The following MID1 variants were observed in gnomAD, a reference collection of about 807,000 sequenced individuals.
The protein encoded by MID1 is midline 1.
Under a neutral mutation model 40.4 loss-of-function variants are expected in MID1, and 7 were observed. The ratio of observed to expected loss-of-function variants is 0.17; its 90% CI spans 0.10 to 0.33. The LOEUF (loss-of-function observed/expected upper bound fraction) is 0.33, where lower values mean the gene tolerates loss of function less well. MID1 is among the 10% of genes least tolerant of loss of function. The pLI, the probability that MID1 is intolerant of heterozygous loss-of-function variation, is 1.00. For missense variants in MID1, 367 were observed against 558.5 expected, an observed-to-expected ratio of 0.66 and a Z score of 3.46; for synonymous variants, 229 against 221.2, an observed-to-expected ratio of 1.04 and a Z score of -0.31.
chrX:10,818,233 C>T (rs902644385), intron 1 of MID1, among the ~76,000 whole-genome samples: 2 of 112,138 alleles, frequency 1.8e-5, no homozygotes, highest in East Asian at 2.8e-4. Context: ...TGTCTCCAGA[C>T]AAAACTCTTA....
At chrX:10,637,738 C>T (rs1936136076) in intron 1 of MID1, among the ~76,000 whole-genome samples, 1 of 111,754 alleles carries the variant, frequency 8.9e-6, no homozygotes, top group East Asian at 2.8e-4. Flanking sequence ...CAAATATCAA[C>T]ATTAGAATTA....
chrX:10,696,589 G>A (rs769663557), intron 1 of MID1, among the ~76,000 whole-genome samples: 1 of 111,960 alleles, frequency 8.9e-6, no homozygotes, highest in African/African-American at 3.2e-5. Flanking sequence ...GAGGAAGCAA[G>A]AATTGAGGTT....
chrX:10,509,250 AGT>A (rs745524662), intron 3 of MID1, among the ~76,000 whole-genome samples: 2 of 110,513 alleles, frequency 1.8e-5, no homozygotes, highest in Non-Finnish European at 1.9e-5. Flanking sequence ...TGAGTTTGTG[AGT>A]GTGTGTGTGT....
At chrX:10,597,717 C>G (rs1009869614) in intron 1 of MID1, among the ~76,000 whole-genome samples, 2 of 112,117 alleles carry the variant, frequency 1.8e-5, no homozygotes, top group African/African-American at 6.5e-5. Context: ...AAACACTGCA[C>G]TACAGCATCA....
At chrX:10,568,716 G>T (rs750030927) in intron 1 of MID1, among the ~76,000 whole-genome samples, 3 of 111,119 alleles carry the variant, frequency 2.7e-5, no homozygotes, top group African/African-American at 9.8e-5. Flanking sequence ...TTGCCATAAA[G>T]ACCTGAGTGC....
At chrX:10,658,160 T>C (rs1479196999) in intron 1 of MID1, among the ~76,000 whole-genome samples, 2 of 110,527 alleles carry the variant, frequency 1.8e-5, no homozygotes, top group Non-Finnish European at 3.8e-5. Flanking sequence ...TCTTAAAAAA[T>C]TGGGAATTTT....
chrX:10,770,670 T>C (rs1334609253), intron 1 of MID1, among the ~76,000 whole-genome samples: 4 of 112,559 alleles, frequency 3.6e-5, no homozygotes, highest in African/African-American at 1.3e-4. Flanking sequence ...TCATCAATCA[T>C]GTGCCTCATA....
At chrX:10,812,225 G>A (rs2044107197) in intron 1 of MID1, among the ~76,000 whole-genome samples, 1 of 111,271 alleles carries the variant, frequency 9.0e-6, no homozygotes, top group Non-Finnish European at 1.9e-5. Context: ...GCAGGCTATG[G>A]TGGGAATGCA....
intron 2 of MID1, among the ~76,000 whole-genome samples, chrX:10,524,577 T>G (rs1293644135): frequency 9.1e-6 from 1 of 109,487 alleles, no homozygotes; most frequent in Non-Finnish European, 1.9e-5. Context: ...ATTCATTTAC[T>G]TATGTGTTCA....
chrX:10,698,885 A>G lies in MID1; in HGVS notation c.-186-78466T>C, dbSNP rs6640678. On this transcript the variant is annotated intron_variant, in intron 1 of 10. Coordinates refer to the MID1 transcript ENST00000380785. ...ACTTCTATTACTGGAGATCACAAGA[A>G]TTTAAATCTGCATAAACAAATAAAC... is the stretch of plus-strand genomic sequence containing the variant. Among the ~76,000 whole-genome samples, 9 of 111,724 alleles carry G rather than the reference A, an allele frequency of 8.1e-5. No homozygotes were observed. The East Asian group carries it at 2.5e-3, about 32-fold the overall frequency.
chrX:10,631,137 A>G (rs1425339477), intron 1 of MID1, among the ~76,000 whole-genome samples: 1 of 112,247 alleles, frequency 8.9e-6, no homozygotes, highest in African/African-American at 3.2e-5. Flanking sequence ...TCAATGCAGT[A>G]TAGCACTGTG....
chrX:10,638,953 T>C lies in MID1; in HGVS notation c.-186-18534A>G, dbSNP rs963319082. 3.6e-5 allele frequency among the ~76,000 whole-genome samples: 4 copies of C among 112,303 alleles called. 1 individual carries two copies. The highest frequency in any genetic ancestry group is 1.9e-5 in the Non-Finnish European group (1 of 53,238). On this transcript the variant is annotated intron_variant, in intron 1 of 10. Coordinates refer to the MID1 transcript ENST00000380785. ...ACCTGCAGCTGAGAGTCATGACTGT[T>C]AGAAGGAAAACTAACAAAGAGAAAG...
chrX:10,553,532 A>G (rs1262105374), intron 2 of MID1, among the ~76,000 whole-genome samples: 2 of 111,802 alleles, frequency 1.8e-5, no homozygotes, highest in African/African-American at 6.5e-5. Flanking sequence ...TGGTCTCTTA[A>G]GAAATTTGAA....
At chrX:10,613,304 C>G in intron 1 of MID1, among the ~76,000 whole-genome samples, 1 of 111,076 alleles carries the variant, frequency 9.0e-6, no homozygotes, top group Middle Eastern at 4.7e-3. Flanking sequence ...TCTATTTTGT[C>G]ATTTTTAACT....
At chrX:10,482,156 CA>C (rs1930365043) in intron 5 of MID1, among the ~76,000 whole-genome samples, 2 of 111,809 alleles carry the variant, frequency 1.8e-5, no homozygotes, top group Non-Finnish European at 1.9e-5. Context: ...ACGATAACAT[CA>C]CATCTGAGAG....
chrX:10,604,576 A>G (rs1021055856), intron 1 of MID1, among the ~76,000 whole-genome samples: 8 of 111,604 alleles, frequency 7.2e-5, no homozygotes, highest in Non-Finnish European at 1.5e-4. Flanking sequence ...TTGTTGTCAG[A>G]AAAAAAAGGG....
chrX:10,522,406 A>G (rs1932752815), intron 3 of MID1, among the ~76,000 whole-genome samples: 1 of 112,383 alleles, frequency 8.9e-6, no homozygotes. Context: ...TTGATTTCAG[A>G]CTTCTAGTCT....
intron 1 of MID1, among the ~76,000 whole-genome samples, chrX:10,610,107 C>T (rs1320330849): frequency 8.9e-6 from 1 of 112,420 alleles, no homozygotes; most frequent in Non-Finnish European, 1.9e-5. Flanking sequence ...CACTCAACGT[C>T]ACTCAGAAGA....
At chrX:10,641,068 A>T (rs1212695380) in intron 1 of MID1, among the ~76,000 whole-genome samples, 9 of 112,094 alleles carry the variant, frequency 8.0e-5, no homozygotes, top group Admixed American at 9.5e-5. Context: ...AGCAGGAAAG[A>T]TCTAAAATTG....
Sources: gnomAD v4.1 joint callset for allele counts (sites outside exome capture counted in the v4.1 genomes callset) on GRCh38, gnomAD v4.1.1 for gene constraint, MANE v1.5 for transcripts, NCBI Gene and HGNC (gene_info 2026-07-23, HGNC 2026-07-21) for gene names.